Variants in DYSF observed in about 807,000 individuals in gnomAD.
DYSF encodes the protein dystrophy-associated fer-1-like 1.
DYSF carries 212 observed loss-of-function variants against 274.9 expected under a neutral mutation model. That is an observed-to-expected ratio of 0.77 (90% CI 0.69 to 0.86). The LOEUF (loss-of-function observed/expected upper bound fraction) is 0.86. Ranked by LOEUF, DYSF falls within the 40% of genes least tolerant of loss-of-function variation. The probability of loss-of-function intolerance (pLI) is 0.00; values close to 1 mark genes in which losing one functional copy is unlikely to be tolerated. For missense variants in DYSF, 2,666 were observed against 2,783.2 expected (o/e 0.96, Z 0.95); for synonymous variants, 1,091 against 1,078.7 (o/e 1.01, Z -0.22).
At chr2:71,469,431 G>A in intron 1 of DYSF, among the ~76,000 whole-genome samples, 1 of 143,726 alleles carries the variant, frequency 7.0e-6, no homozygotes, top group Middle Eastern at 3.3e-3. Flanking sequence ...CAAATTTCCA[G>A]GTGTTTTGAA....
intron 42 of DYSF, among the ~76,000 whole-genome samples, chr2:71,652,103 G>T (rs759576588): frequency 2.6e-5 from 4 of 152,142 alleles, no homozygotes; most frequent in Non-Finnish European, 5.9e-5. Context: ...GTTCCTAAGT[G>T]CATTTGTCTG....
chr2:71,465,342 C>A (rs538846523), upstream of DYSF, among the ~76,000 whole-genome samples: 56 of 152,100 alleles, frequency 3.7e-4, no homozygotes, highest in African/African-American at 1.1e-3. Context: ...CGAGGGCGGG[C>A]GTTAGAAGGA....
chr2:71,470,007 G>T (rs2081861098), intron 1 of DYSF, among the ~76,000 whole-genome samples: 1 of 152,164 alleles, frequency 6.6e-6, no homozygotes, highest in Admixed American at 6.5e-5. Flanking sequence ...ATGCATACAA[G>T]AACAAAACCA....
At chr2:71,567,038 G>T (rs1465806744) in intron 24 of DYSF, among the ~76,000 whole-genome samples, 1 of 152,198 alleles carries the variant, frequency 6.6e-6, no homozygotes, top group Non-Finnish European at 1.5e-5. Flanking sequence ...ATGACACTAG[G>T]CCTGGGTACT....
chr2:71,669,254 G>T (rs554235669), intron 50 of DYSF, 47 bp downstream of exon 50: 2 of 1,489,098 alleles, frequency 1.3e-6, no homozygotes. Context: ...CGCAGCTCCC[G>T]TGCTCCCTCT....
intron 17 of DYSF, among the ~76,000 whole-genome samples, chr2:71,540,330 C>T (rs573802720): frequency 1.9e-4 from 29 of 151,920 alleles, no homozygotes; most frequent in Admixed American, 8.5e-4. Context: ...AGGCTGGTCT[C>T]GAACTCCTGG....
chr2:71,521,931 C>T (rs750999930), intron 12 of DYSF, among the ~76,000 whole-genome samples: 4 of 152,110 alleles, frequency 2.6e-5, no homozygotes, highest in Admixed American at 1.3e-4. Context: ...AGCTGCACAG[C>T]GATGAGTGGT....
At chr2:71,624,458 A>G (rs2094168910) in intron 41 of DYSF, among the ~76,000 whole-genome samples, 1 of 152,180 alleles carries the variant, frequency 6.6e-6, no homozygotes, top group Admixed American at 6.5e-5. Flanking sequence ...TAGTCCCTTA[A>G]AAGGCTTTTC....
intron 38 of DYSF, 101 bp from the exon 39 acceptor site, chr2:71,612,540 G>A: frequency 1.3e-6 from 2 of 1,546,350 alleles, no homozygotes; most frequent in Non-Finnish European, 1.8e-6. Context: ...TCTGGCTGTG[G>A]GGATTATCTG....
intron 3 of DYSF, among the ~76,000 whole-genome samples, chr2:71,493,304 C>T (rs1479401623): frequency 6.6e-6 from 1 of 152,158 alleles, no homozygotes; most frequent in African/African-American, 2.4e-5. Context: ...GGGATTCAGC[C>T]TGTGGTCCAT....
At chr2:71,508,656 C>A (rs1244140890) in intron 4 of DYSF, among the ~76,000 whole-genome samples, 1 of 152,152 alleles carries the variant, frequency 6.6e-6, no homozygotes, top group Non-Finnish European at 1.5e-5. Context: ...TCTTTGTGCC[C>A]TATCAGGTGG....
intron 1 of DYSF, among the ~76,000 whole-genome samples, chr2:71,475,301 C>T (rs574137587): frequency 5.9e-5 from 9 of 151,834 alleles, no homozygotes; most frequent in Admixed American, 1.3e-4. Flanking sequence ...TTGCAGTCAA[C>T]GTGGAAAGAA....
At chr2:71,453,838 C>G in exon 1 of DYSF, 1 of 754,844 alleles carries the variant, frequency 1.3e-6, no homozygotes, top group South Asian at 1.5e-5. Flanking sequence ...GGCCCGTTCC[C>G]CTTTAAGAGC....
In DYSF at chr2:71,482,740, G is replaced by C. The variant is rs571537514; in HGVS notation, c.239+770G>C. On this transcript the variant is annotated intron_variant, in intron 3 of 55. Coordinates refer to ENST00000410020, the MANE Select transcript of DYSF (RefSeq NM_001130987.2). The stretch of plus-strand genomic sequence containing the variant: ...AGACATAGCACATGAAACTGCTCAT[G>C]ATGAGCCTTAAGCATCAGAGTGGGA... Among the ~76,000 whole-genome samples, 8 of 152,294 alleles carry C rather than the reference G, an allele frequency of 5.3e-5. No individual in the cohort carries two copies. The East Asian group carries it at 7.7e-4, about 15-fold the overall frequency.
At chr2:71,549,686 A>G (rs1573919930) in intron 17 of DYSF, among the ~76,000 whole-genome samples, 2 of 126,966 alleles carry the variant, frequency 1.6e-5, no homozygotes, top group Admixed American at 8.0e-5. Flanking sequence ...AGTGAGGGGT[A>G]GGGGCAGGCA....
At chr2:71,469,821 G>A (rs753501593) in intron 1 of DYSF, among the ~76,000 whole-genome samples, 25 of 152,190 alleles carry the variant, frequency 1.6e-4, no homozygotes, top group Non-Finnish European at 3.4e-4. Flanking sequence ...TTGACTGATT[G>A]TGTCAACGAG....
At chr2:71,479,879 G>A (rs1232888560) in intron 1 of DYSF, among the ~76,000 whole-genome samples, 1 of 152,230 alleles carries the variant, frequency 6.6e-6, no homozygotes, top group Non-Finnish European at 1.5e-5. Flanking sequence ...AGGCCTTGGA[G>A]GGTGAAGTGG....
chr2:71,624,859 A>G (rs1250333688), intron 41 of DYSF, among the ~76,000 whole-genome samples: 1 of 151,644 alleles, frequency 6.6e-6, no homozygotes, highest in Non-Finnish European at 1.5e-5. Context: ...GGCTCAACAC[A>G]TTTTCTGGAG....
intron 30 of DYSF, among the ~76,000 whole-genome samples, chr2:71,585,364 C>T (rs919393664): frequency 6.6e-6 from 1 of 152,134 alleles, no homozygotes; most frequent in African/African-American, 2.4e-5. Context: ...CCACTGGCCC[C>T]GTGAGCAGCA....
Sources: allele counts gnomAD v4.1 joint callset (sites outside exome capture counted in the v4.1 genomes callset), GRCh38; gene constraint gnomAD v4.1.1; transcripts MANE v1.5; gene names NCBI Gene and HGNC (gene_info 2026-07-23, HGNC 2026-07-21).